Variants in CEP63 observed in about 807,000 individuals in gnomAD.
CEP63 encodes the protein centrosomal protein of 63 kDa.
Under a neutral mutation model 89.1 loss-of-function variants are expected in CEP63, and 84 were observed. That is an observed-to-expected ratio of 0.94 (90% CI 0.79 to 1.13). CEP63 has a LOEUF of 1.13. Among genes scored for constraint, CEP63 ranks in the 50% most tolerant of loss-of-function variants. The pLI is 0.00. For missense variants in CEP63, 838 were observed against 813.3 expected, an observed-to-expected ratio of 1.03 and a Z score of -0.37; for synonymous variants, 267 against 272.5, an observed-to-expected ratio of 0.98 and a Z score of 0.20.
chr3:134,669,631 T>G, the CEP63 span, among the ~76,000 whole-genome samples: 1 of 152,240 alleles, frequency 6.6e-6, no homozygotes, highest in Non-Finnish European at 1.5e-5. Context: ...GTGACTCAGT[T>G]TATTTTACTT....
the CEP63 span, among the ~76,000 whole-genome samples, chr3:134,676,997 A>T: frequency 6.6e-6 from 1 of 152,194 alleles, no homozygotes; most frequent in African/African-American, 2.4e-5. Context: ...GCACTTTGGG[A>T]GGCCGAGGCA....
the CEP63 span, among the ~76,000 whole-genome samples, chr3:134,729,568 G>C: frequency 6.6e-6 from 1 of 152,158 alleles, no homozygotes; most frequent in Non-Finnish European, 1.5e-5. Context: ...GGCTCTAAAA[G>C]GGTAAGATCT....
chr3:134,707,705 T>TA, the CEP63 span, among the ~76,000 whole-genome samples: 8 of 150,730 alleles, frequency 5.3e-5, no homozygotes, highest in Admixed American at 4.6e-4. Flanking sequence ...GCACCCCTGG[T>TA]AAAGAAGATG....
intron 12 of CEP63, chr3:134,552,833 A>G (rs1338583225): frequency 6.6e-6 from 1 of 152,164 alleles, no homozygotes; most frequent in African/African-American, 2.4e-5. Flanking sequence ...TGAATAAGAT[A>G]GCATTCTTGC....
At chr3:134,704,110 C>T in the CEP63 span, among the ~76,000 whole-genome samples, 40 of 152,362 alleles carry the variant, frequency 2.6e-4, no homozygotes, top group East Asian at 7.1e-3. Context: ...CATATTCTCC[C>T]AGGCCAGGAA....
the CEP63 span, chr3:134,755,839 C>T: frequency 2.0e-5 from 3 of 152,244 alleles, no homozygotes; most frequent in African/African-American, 7.2e-5. Flanking sequence ...AAAAGCAATG[C>T]TTAGGTAACC....
chr3:134,717,994 C>A, the CEP63 span, among the ~76,000 whole-genome samples: 1 of 152,114 alleles, frequency 6.6e-6, no homozygotes, highest in Non-Finnish European at 1.5e-5. Flanking sequence ...GGAATGAGCA[C>A]CCAGGTTACT....
chr3:134,504,440 T>G (rs1166641635), intron 2 of CEP63, among the ~76,000 whole-genome samples: 1 of 152,208 alleles, frequency 6.6e-6, no homozygotes, highest in Non-Finnish European at 1.5e-5. Flanking sequence ...GTCTGTAAGG[T>G]TTCTGCTGAG....
chr3:134,600,301 G>A, the CEP63 span, among the ~76,000 whole-genome samples: 1 of 152,210 alleles, frequency 6.6e-6, no homozygotes, highest in African/African-American at 2.4e-5. Context: ...TCCTTTTCAA[G>A]TCCTTTGAGA....
the CEP63 span, among the ~76,000 whole-genome samples, chr3:134,646,775 G>A: frequency 6.6e-6 from 1 of 152,164 alleles, no homozygotes; most frequent in South Asian, 2.1e-4. Flanking sequence ...GGCTCTGGGA[G>A]TAGAGGTTTG....
the CEP63 span, among the ~76,000 whole-genome samples, chr3:134,601,440 G>GC: frequency 6.6e-6 from 1 of 152,228 alleles, no homozygotes; most frequent in Non-Finnish European, 1.5e-5. Flanking sequence ...GGCAGCCAGC[G>GC]CGGGGTCCAG....
chr3:134,666,751 A>T, the CEP63 span, among the ~76,000 whole-genome samples: 1 of 152,198 alleles, frequency 6.6e-6, no homozygotes, highest in Non-Finnish European at 1.5e-5. Context: ...CACATGACTC[A>T]TTCATTTATC....
chr3:134,530,510 T>C (rs1392669833), intron 3 of CEP63, among the ~76,000 whole-genome samples: 1 of 152,196 alleles, frequency 6.6e-6, no homozygotes, highest in African/African-American at 2.4e-5. Flanking sequence ...GCCCTTTGAT[T>C]TTTTTGTAAA....
downstream of CEP63, among the ~76,000 whole-genome samples, chr3:134,568,692 T>C (rs1222663432): frequency 2.6e-5 from 4 of 152,256 alleles, no homozygotes; most frequent in Non-Finnish European, 5.9e-5. Context: ...CTGTTTATTT[T>C]GCTCCAAAAA....
chr3:134,554,747 T>C (rs951854343), intron 12 of CEP63, among the ~76,000 whole-genome samples: 36 of 152,194 alleles, frequency 2.4e-4, no homozygotes, highest in Non-Finnish European at 2.9e-5. Flanking sequence ...CAGCACCTGT[T>C]GTTTCCTGAC....
intron 5 of CEP63, among the ~76,000 whole-genome samples, chr3:134,534,951 G>C (rs1950501743): frequency 1.3e-5 from 2 of 152,046 alleles, no homozygotes; most frequent in South Asian, 4.2e-4. Context: ...CTGTGCCCAT[G>C]TACCCTGCCT....
At chr3:134,651,932 C>T in the CEP63 span, among the ~76,000 whole-genome samples, 1 of 152,144 alleles carries the variant, frequency 6.6e-6, no homozygotes, top group Non-Finnish European at 1.5e-5. Context: ...CTGCTGGGGG[C>T]GTTCCCCTAA....
the CEP63 span, among the ~76,000 whole-genome samples, chr3:134,616,497 T>C: frequency 6.6e-6 from 1 of 152,186 alleles, no homozygotes; most frequent in South Asian, 2.1e-4. Flanking sequence ...AGAGAGTTAG[T>C]AGAGGGATGC....
At chr3:134,609,271 G>A in the CEP63 span, among the ~76,000 whole-genome samples, 1 of 152,168 alleles carries the variant, frequency 6.6e-6, no homozygotes, top group Non-Finnish European at 1.5e-5. Flanking sequence ...GACCTTTTGT[G>A]GCTCTCCAGG....
Sources: gnomAD v4.1 joint callset for allele counts (sites outside exome capture counted in the v4.1 genomes callset) on GRCh38, gnomAD v4.1.1 for gene constraint, MANE v1.5 for transcripts, NCBI Gene and HGNC (gene_info 2026-07-23, HGNC 2026-07-21) for gene names.